The following RIMS2 variants were observed in gnomAD, a reference collection of about 807,000 sequenced individuals.
RIMS2 encodes regulating synaptic membrane exocytosis 2, also known as regulating synaptic membrane exocytosis protein 2.
In RIMS2, 59 loss-of-function variants were observed where a neutral mutation model predicts 174.4. The observed-to-expected ratio is 0.34, with a 90% CI of 0.27 to 0.42. The LOEUF is 0.42. RIMS2 is among the 10% of genes least tolerant of loss of function. The pLI, the probability that RIMS2 is intolerant of heterozygous loss-of-function variation, is 1.00. For missense variants in RIMS2, 1,620 were observed against 1,666.3 expected (o/e 0.97, Z 0.48); for synonymous variants, 606 against 572.5 (o/e 1.06, Z -0.84).
intron 20 of RIMS2, among the ~76,000 whole-genome samples, chr8:104,247,819 G>T (rs1391708572): frequency 6.6e-6 from 1 of 152,184 alleles, no homozygotes; most frequent in Non-Finnish European, 1.5e-5. Flanking sequence ...TGGCCCAAGG[G>T]AGAGATCCAA....
At chr8:103,606,835 T>C (rs1563982478) in intron 1 of RIMS2, among the ~76,000 whole-genome samples, 1 of 151,632 alleles carries the variant, frequency 6.6e-6, no homozygotes, top group Non-Finnish European at 1.5e-5. Flanking sequence ...CCTGCCTTTT[T>C]TTGTTTTCCA....
intron 19 of RIMS2, among the ~76,000 whole-genome samples, chr8:104,054,038 C>T (rs1388572832): frequency 6.6e-6 from 1 of 151,984 alleles, no homozygotes; most frequent in Admixed American, 6.6e-5. Flanking sequence ...CACACAAGGG[C>T]ATTTGAAAGG....
chr8:103,768,490 T>C (rs566498440), intron 3 of RIMS2: 7 of 909,962 alleles, frequency 7.7e-6, no homozygotes, highest in East Asian at 2.4e-5. Context: ...TCTTGATTCA[T>C]GGCCGTGTCC....
chr8:103,583,911 T>C (rs1280313274), intron 1 of RIMS2, among the ~76,000 whole-genome samples: 1 of 149,924 alleles, frequency 6.7e-6, no homozygotes, highest in Non-Finnish European at 1.5e-5. Context: ...ACACACACAA[T>C]GGGATAATAA....
chr8:104,248,508 G>T (rs1478583462), intron 20 of RIMS2, among the ~76,000 whole-genome samples, 193 bp from the exon 27 acceptor site: 2 of 152,178 alleles, frequency 1.3e-5, no homozygotes, highest in Non-Finnish European at 2.9e-5. Flanking sequence ...GGTGCTTCTG[G>T]TGTCATACTT....
intron 3 of RIMS2, among the ~76,000 whole-genome samples, chr8:103,783,419 C>T (rs1213952517): frequency 6.6e-6 from 1 of 150,750 alleles, no homozygotes; most frequent in African/African-American, 2.4e-5. Context: ...ATCCCTCCCC[C>T]CTCACCCCAC....
chr8:103,985,982 A>T (rs1244528993), intron 16 of RIMS2, among the ~76,000 whole-genome samples: 1 of 152,172 alleles, frequency 6.6e-6, no homozygotes, highest in Non-Finnish European at 1.5e-5. Context: ...AGGTCAAAAG[A>T]CCTAAAATTT....
intron 19 of RIMS2, among the ~76,000 whole-genome samples, chr8:104,028,625 A>G (rs1297016168): frequency 6.6e-6 from 1 of 152,154 alleles, no homozygotes; most frequent in African/African-American, 2.4e-5. Flanking sequence ...CCTCAATTTC[A>G]CCATCTCTGT....
At chr8:103,811,297 C>G (rs954769192) in intron 3 of RIMS2, among the ~76,000 whole-genome samples, 10 of 152,064 alleles carry the variant, frequency 6.6e-5, no homozygotes, top group Non-Finnish European at 1.3e-4. Context: ...TCTTGGTCCT[C>G]TTTCTTTTAA....
chr8:104,024,158 A>T (rs1182566394), intron 19 of RIMS2, among the ~76,000 whole-genome samples: 1 of 152,182 alleles, frequency 6.6e-6, no homozygotes, highest in Non-Finnish European at 1.5e-5. Flanking sequence ...GAAACAGAAT[A>T]CATGAAGGAT....
intron 19 of RIMS2, among the ~76,000 whole-genome samples, chr8:104,070,172 C>G (rs2097173579): frequency 6.6e-6 from 1 of 152,174 alleles, no homozygotes; most frequent in African/African-American, 2.4e-5. Context: ...TTTCTAGCTT[C>G]TTCAATAAGA....
At chr8:103,544,981 C>T (rs1490757229) in intron 1 of RIMS2, among the ~76,000 whole-genome samples, 1 of 152,158 alleles carries the variant, frequency 6.6e-6, no homozygotes, top group Non-Finnish European at 1.5e-5. Context: ...CTCAAAAAGC[C>T]AGTGTCTTCT....
intron 1 of RIMS2, among the ~76,000 whole-genome samples, chr8:103,696,033 C>T (rs1256786293): frequency 6.6e-6 from 1 of 152,036 alleles, no homozygotes; most frequent in Non-Finnish European, 1.5e-5. Context: ...AATTTTTGGT[C>T]ATAATCCCTT....
chr8:103,932,198 T>C (rs1222909162), intron 12 of RIMS2, among the ~76,000 whole-genome samples: 1 of 152,192 alleles, frequency 6.6e-6, no homozygotes, highest in Non-Finnish European at 1.5e-5. Flanking sequence ...TTATTTTTTC[T>C]CAGGTTGAAA....
At chr8:103,650,948 G>A (rs375524450) in intron 1 of RIMS2, among the ~76,000 whole-genome samples, 120 of 152,294 alleles carry the variant, frequency 7.9e-4, no homozygotes, top group African/African-American at 2.7e-3. Flanking sequence ...TTGCTCCCTG[G>A]ACTCAGTCCC....
chr8:104,071,863 G>A (rs956742598), intron 19 of RIMS2, among the ~76,000 whole-genome samples: 2 of 152,180 alleles, frequency 1.3e-5, no homozygotes, highest in African/African-American at 4.8e-5. Flanking sequence ...TCCTCAATTA[G>A]GGTTTCAACT....
chr8:103,942,752 C>T (rs1296189666), intron 13 of RIMS2, 21 bp from the exon 16 acceptor site: 6 of 1,581,582 alleles, frequency 3.8e-6, no homozygotes, highest in Non-Finnish European at 5.2e-6. Flanking sequence ...TATAACCGTC[C>T]TTTGTCTCTT....
chr8:103,629,455 G>A (rs1419716402), intron 1 of RIMS2, among the ~76,000 whole-genome samples: 1 of 152,148 alleles, frequency 6.6e-6, no homozygotes, highest in East Asian at 1.9e-4. Flanking sequence ...TGTTGGAAAG[G>A]CTTTGAGAAC....
chr8:103,608,073 C>T (rs1231743137), intron 1 of RIMS2, among the ~76,000 whole-genome samples: 11 of 150,014 alleles, frequency 7.3e-5, no homozygotes, highest in African/African-American at 1.3e-4. Flanking sequence ...GGAGGAGAGG[C>T]GCTCTGCTTT....
Sources: gnomAD v4.1 joint callset for allele counts (sites outside exome capture counted in the v4.1 genomes callset) on GRCh38, gnomAD v4.1.1 for gene constraint, MANE v1.5 for transcripts, NCBI Gene and HGNC (gene_info 2026-07-23, HGNC 2026-07-21) for gene names.